The following MUC12 variants were observed in gnomAD, a reference collection of about 807,000 sequenced individuals.
The protein encoded by MUC12 is mucin-12.
MUC12 carries 172 observed loss-of-function variants against 230.8 expected under a neutral mutation model. The observed-to-expected ratio is 0.75, with a 90% CI of 0.66 to 0.85. MUC12 has a LOEUF of 0.85. Among genes scored for constraint, MUC12 ranks in the 40% least tolerant of loss-of-function variants. MUC12 has a pLI of 0.00. For missense variants in MUC12, 3,506 were observed against 5,920.6 expected (o/e 0.59, Z 13.38); for synonymous variants, 1,259 against 2,401.9 (o/e 0.52, Z 13.91).
intron 1 of MUC12, 106 bp downstream of exon 1, chr7:100,969,795 T>C: frequency 6.8e-7 from 1 of 1,470,304 alleles, no homozygotes. Flanking sequence ...CCCCTTTGCA[T>C]GGCAAGGGGC....
chr7:101,007,582 T>G (rs1793774618), intron 3 of MUC12, among the ~76,000 whole-genome samples: 2 of 152,244 alleles, frequency 1.3e-5, no homozygotes, highest in Non-Finnish European at 2.9e-5. Context: ...TGACAGGATC[T>G]CATTCTTTTT....
chr7:101,006,676 A>G, intron 3 of MUC12, 104 bp downstream of exon 3: 1 of 785,508 alleles, frequency 1.3e-6, no homozygotes, highest in Non-Finnish European at 2.1e-6. Flanking sequence ...TTGCAGGTGG[A>G]GGAGGTGTGA....
At chr7:101,015,750 G>GGTGCCT (rs1562795662) in intron 10 of MUC12, 59 bp downstream of exon 10, 1 of 1,443,946 alleles carries the variant, frequency 6.9e-7, no homozygotes, top group Non-Finnish European at 9.4e-7. Context: ...AAGGCAGGGC[G>GGTGCCT]GTGCCTGTGC....
At position 101,018,732 on chromosome 7, in the gene MUC12, G is replaced by A. The variant is rs952349454; in HGVS notation, c.*96G>A. ...CTCCGGGGCGGGTCAAGAGGAGACC[G>A]AAGTCAGGCCCTGAAGCCGGTCCTG... On this transcript the variant is annotated 3_prime_UTR_variant, in exon 12 of 12. Coordinates refer to ENST00000536621, the MANE Select transcript of MUC12 (RefSeq NM_001164462.2). 1.0e-5 allele frequency: 13 copies of A among 1,284,742 alleles called. No individual in the cohort carries two copies. Among genetic ancestry groups the A allele is most frequent in the Admixed American group, 7.4e-5 (3 of 40,524 alleles). 79.6% of individuals were successfully genotyped at this position (1,284,742 alleles called of 1,614,324 possible). A position where few individuals can be genotyped will look rare whatever the true frequency, so the allele number is the denominator to read the frequency against.
Position 100,991,213 on chromosome 7 carries a change from T to G in MUC12, c.650T>G (p.Leu217Arg), listed in dbSNP as rs1021790444. The change falls in exon 2 of 12, where the codon CTT becomes CGT. Residue 217 changes from leucine (L) to arginine (R), a missense_variant. Leu to Arg is a moderately radical substitution (Grantham distance 102). Coordinates refer to ENST00000536621, the MANE Select transcript of MUC12 (RefSeq NM_001164462.2). ...LSPGTTTPSS[L>R]GPESTTFHSS... The stretch of plus-strand genomic sequence containing the variant: ...CCTGGCACTACCACACCATCATCCC[T>G]TGGTCCAGAATCTACTACCTTCCAC... 2 of 1,537,292 alleles carry G rather than the reference T, an allele frequency of 1.3e-6. No homozygotes were observed. Among genetic ancestry groups the G allele is most frequent in the African/African-American group, 2.7e-5 (2 of 72,916 alleles).
At chr7:100,982,440 C>G (rs76610332) in intron 1 of MUC12, among the ~76,000 whole-genome samples, 14,381 of 145,114 alleles carry the variant, frequency 0.099, 1,122 homozygotes, top group Admixed American at 0.28. Flanking sequence ...CTTTTCTTTT[C>G]TTTTTTTTTT....
At position 101,017,600 on chromosome 7, in the gene MUC12, C is replaced by T. The variant is rs1793952219; in HGVS notation, c.15903C>T (p.Phe5301=). Residue 5301 remains phenylalanine (F), a synonymous_variant, in exon 11 of 12, where the codon TTC becomes TTT. Transcript: ENST00000536621. ...ACCAGAATCTGAGGGAGAGCAGATTCGGCCTTGAGAACGCCTACAACAACT... is the reference window on the plus strand; with the variant it reads ...ACCAGAATCTGAGGGAGAGCAGATTTGGCCTTGAGAACGCCTACAACAACT... ...WEDQNLRESR[F]GLENAYNNFR... 1 of 1,535,858 alleles carries T rather than the reference C, an allele frequency of 6.5e-7. No individual in the cohort carries two copies. The highest frequency in any genetic ancestry group is 1.4e-5 in the African/African-American group (1 of 72,892).
In MUC12 at chr7:100,991,772, C is replaced by T. The variant is rs761469789; in HGVS notation, c.1209C>T (p.Thr403=). 4 of 1,537,944 alleles carry T rather than the reference C, an allele frequency of 2.6e-6. No individual in the cohort carries two copies. Among genetic ancestry groups the T allele is most frequent in the Non-Finnish European group, 3.5e-6 (4 of 1,147,064 alleles). Residue 403 remains threonine (T), a synonymous_variant, in exon 2 of 12, where the codon ACC becomes ACT. Coordinates refer to ENST00000536621, the MANE Select transcript of MUC12 (RefSeq NM_001164462.2). ...TTHTKSSTPS[T]TAALAHTSYH... is the part of the protein sequence containing the mutation. ...ACACAAAATCTTCAACTCCTAGCAC[C>T]ACAGCTGCCCTAGCACATACAAGCT... is the stretch of plus-strand genomic sequence containing the variant.
intron 1 of MUC12, among the ~76,000 whole-genome samples, chr7:100,976,127 A>T (rs2116264992): frequency 6.6e-6 from 1 of 152,284 alleles, no homozygotes; most frequent in Non-Finnish European, 1.5e-5. Flanking sequence ...TCAATAAAAA[A>T]GTTAGCTGGG....
At chr7:101,009,837 A>G (rs1039016882) in intron 5 of MUC12, among the ~76,000 whole-genome samples, 1 of 152,104 alleles carries the variant, frequency 6.6e-6, no homozygotes, top group Non-Finnish European at 1.5e-5. Context: ...GACGCTCAGA[A>G]CGGCTGGGTG....
At position 100,995,556 on chromosome 7, in the gene MUC12, A is replaced by C; in HGVS notation, c.4993A>C (p.Ser1665Arg). The C allele has an allele frequency of 6.5e-7, 1 of 1,536,666 alleles. No homozygotes were observed. Among genetic ancestry groups the C allele is most frequent in the Non-Finnish European group, 8.7e-7 (1 of 1,146,960 alleles). Residue 1665 changes from serine to arginine, a missense_variant, in exon 2 of 12, where the codon AGC becomes CGC. Physicochemically the swap from Ser to Arg is moderately radical, Grantham distance 110 (BLOSUM62 -1). Coordinates refer to ENST00000536621, the MANE Select transcript of MUC12 (RefSeq NM_001164462.2). ...CCTTGAAGCATCTACGCCCGTCCAC[A>C]GCAGCACTGGATCGCCACACACAAC... ...GLLEASTPVH[S>R]STGSPHTTLS...
chr7:100,991,796 C>A lies in MUC12; in HGVS notation c.1233C>A (p.Ser411Arg), dbSNP rs1329304977. 4 of 1,537,952 alleles carry A rather than the reference C, an allele frequency of 2.6e-6. No homozygotes were observed. Among genetic ancestry groups the A allele is most frequent in the African/African-American group, 2.7e-5 (2 of 73,162 alleles). ...PSTTAALAHTSYHSSLGSTET... is the reference protein window; with the variant it reads ...PSTTAALAHTRYHSSLGSTET... ...CCACAGCTGCCCTAGCACATACAAG[C>A]TACCACAGCAGCCTGGGCTCAACTG... The change falls in exon 2 of 12, where the codon AGC (serine) becomes AGA (arginine). Residue 411 changes from serine to arginine, a missense_variant. Coordinates refer to ENST00000536621, the MANE Select transcript of MUC12 (RefSeq NM_001164462.2).
In MUC12 at chr7:101,012,369, G is replaced by A. The variant is rs1165548573; in HGVS notation, c.15325G>A (p.Glu5109Lys). The A allele has an allele frequency of 6.5e-7, 1 of 1,537,642 alleles. No homozygotes were observed. Among genetic ancestry groups the A allele is most frequent in the South Asian group, 1.2e-5 (1 of 84,052 alleles). Residue 5109 changes from glutamate (E) to lysine (K), a missense_variant, in exon 6 of 12, where the codon GAA becomes AAA. Transcript: ENST00000536621. ...DYTLEYEELF[E>K]NLAEIVKAKI... ...CACTTTAGAGTATGAGGAACTGTTTGAAAACCTGGCAGAGATTGTAAAGGC... is the reference window on the plus strand; with the variant it reads ...CACTTTAGAGTATGAGGAACTGTTTAAAAACCTGGCAGAGATTGTAAAGGC...
chr7:101,008,883 C>T, intron 4 of MUC12, 122 bp downstream of exon 4: 1 of 1,370,588 alleles, frequency 7.3e-7, no homozygotes, highest in Non-Finnish European at 9.7e-7. Flanking sequence ...TACCAGTCTC[C>T]CTAAGTCTTG....
chr7:101,018,249 G>GGGACTCCCTCCTCCCCCA (rs1412294168), intron 11 of MUC12, among the ~76,000 whole-genome samples: 1 of 80,182 alleles, frequency 1.2e-5, no homozygotes, highest in East Asian at 3.7e-4. Context: ...CCCTTCCCCC[G>GGGACTCCCTCCTCCCCCA]GGACTCCCTC....
At chr7:101,007,457 C>G (rs1439876748) in intron 3 of MUC12, among the ~76,000 whole-genome samples, 1 of 152,148 alleles carries the variant, frequency 6.6e-6, no homozygotes, top group African/African-American at 2.4e-5. Context: ...TCCATTAGTT[C>G]AATTATTTGG....
At chr7:100,972,280 A>G in intron 1 of MUC12, 1 of 698,574 alleles carries the variant, frequency 1.4e-6, no homozygotes, top group Non-Finnish European at 2.6e-6. Flanking sequence ...CACGGCCACC[A>G]CTTGACAGTG....
chr7:100,977,239 A>T (rs1475198235), intron 1 of MUC12, among the ~76,000 whole-genome samples: 4 of 151,956 alleles, frequency 2.6e-5, no homozygotes. Context: ...AACAAACACT[A>T]TTGGTGGCTT....
intron 1 of MUC12, among the ~76,000 whole-genome samples, chr7:100,980,113 G>A (rs1161584592): frequency 6.6e-6 from 1 of 151,464 alleles, no homozygotes; most frequent in Non-Finnish European, 1.5e-5. Flanking sequence ...GTGCCATCTC[G>A]GCTCACTGCA....
Sources: allele counts gnomAD v4.1 joint callset (sites outside exome capture counted in the v4.1 genomes callset), GRCh38; gene constraint gnomAD v4.1.1; transcripts MANE v1.5; gene names NCBI Gene and HGNC (gene_info 2026-07-23, HGNC 2026-07-21).